Variants in PCDHAC1 observed in about 807,000 individuals in gnomAD.
PCDHAC1 encodes protocadherin alpha-C1.
PCDHAC1 carries 42 observed loss-of-function variants against 60.0 expected under a neutral mutation model. The observed-to-expected ratio is 0.70, with a 90% CI of 0.55 to 0.90. PCDHAC1 has a LOEUF of 0.90. Among genes scored for constraint, PCDHAC1 ranks in the 40% least tolerant of loss-of-function variants. The pLI, the probability that PCDHAC1 is intolerant of heterozygous loss-of-function variation, is 0.00. For synonymous variants in PCDHAC1, 468 were observed against 499.3 expected (o/e 0.94, Z 0.84); for missense variants, 1,160 against 1,222.3 (o/e 0.95, Z 0.76).
intron 1 of PCDHAC1, among the ~76,000 whole-genome samples, chr5:140,952,174 A>T (rs1376987356): frequency 6.6e-6 from 1 of 152,096 alleles, no homozygotes; most frequent in Non-Finnish European, 1.5e-5. Flanking sequence ...CAGTTCCTGC[A>T]GCTGCTCTCA....
chr5:140,936,714 C>G (rs2091106727), intron 1 of PCDHAC1, among the ~76,000 whole-genome samples: 1 of 152,198 alleles, frequency 6.6e-6, no homozygotes, highest in African/African-American at 2.4e-5. Context: ...TGTGCCAATA[C>G]ATTCTGTGTT....
At chr5:140,998,099 CAGA>C (rs2097796305) in intron 3 of PCDHAC1, among the ~76,000 whole-genome samples, 1 of 152,130 alleles carries the variant, frequency 6.6e-6, no homozygotes, top group African/African-American at 2.4e-5. Context: ...CTAGAGCAAA[CAGA>C]GGAGAAAATT....
intron 1 of PCDHAC1, chr5:140,967,309 A>G (rs782218334): frequency 6.2e-7 from 1 of 1,611,224 alleles, no homozygotes; most frequent in East Asian, 2.2e-5. Context: ...GCGCCAACTC[A>G]GTACAGACCT....
intron 3 of PCDHAC1, among the ~76,000 whole-genome samples, chr5:140,994,538 A>G (rs1554254218): frequency 1.8e-5 from 2 of 111,930 alleles, no homozygotes; most frequent in African/African-American, 9.1e-5. Context: ...CCCCATCTCT[A>G]CAAAAAAAAT....
intron 1 of PCDHAC1, chr5:140,966,920 C>A: frequency 6.2e-7 from 1 of 1,602,672 alleles, no homozygotes; most frequent in South Asian, 1.1e-5. Flanking sequence ...GCCAGAGGAG[C>A]AGGCACCCGG....
At chr5:140,931,460 G>GA (rs3836748) in intron 1 of PCDHAC1, among the ~76,000 whole-genome samples, 48,962 of 151,596 alleles carry the variant, frequency 0.32, 8,170 homozygotes, top group East Asian at 0.53. Flanking sequence ...AAAAATATAG[G>GA]AATGACAGAG....
chr5:141,007,935 C>G (rs2098352677), intron 3 of PCDHAC1, among the ~76,000 whole-genome samples: 1 of 152,176 alleles, frequency 6.6e-6, no homozygotes, highest in African/African-American at 2.4e-5. Flanking sequence ...GAATTCTAAG[C>G]CACCTTTTTG....
At chr5:140,993,777 G>A (rs1397168086) in intron 3 of PCDHAC1, among the ~76,000 whole-genome samples, 1 of 152,042 alleles carries the variant, frequency 6.6e-6, no homozygotes, top group Non-Finnish European at 1.5e-5. Flanking sequence ...GCAGTATTTT[G>A]TACAGTAACA....
At chr5:140,984,826 T>C (rs1554246543) in intron 3 of PCDHAC1, among the ~76,000 whole-genome samples, 4 of 152,188 alleles carry the variant, frequency 2.6e-5, no homozygotes, top group African/African-American at 9.6e-5. Context: ...TTAATTACCC[T>C]TTCTGTAAAT....
intron 1 of PCDHAC1, among the ~76,000 whole-genome samples, chr5:140,973,299 T>C (rs1191449890): frequency 1.3e-5 from 2 of 152,198 alleles, no homozygotes; most frequent in African/African-American, 4.8e-5. Flanking sequence ...TTCTATCTGA[T>C]GACTCTATCC....
intron 1 of PCDHAC1, among the ~76,000 whole-genome samples, chr5:140,955,987 A>T (rs1185683030): frequency 6.6e-6 from 1 of 152,198 alleles, no homozygotes; most frequent in Non-Finnish European, 1.5e-5. Context: ...CAATTTTTGC[A>T]CATTGATTTT....
At chr5:140,976,330 T>C (rs139191853) in intron 1 of PCDHAC1, among the ~76,000 whole-genome samples, 1 of 152,088 alleles carries the variant, frequency 6.6e-6, no homozygotes, top group Non-Finnish European at 1.5e-5. Flanking sequence ...GAGGGTGGAT[T>C]GCCTGAGGTC....
At chr5:140,954,135 T>C (rs1281133424) in intron 1 of PCDHAC1, among the ~76,000 whole-genome samples, 1 of 152,220 alleles carries the variant, frequency 6.6e-6, no homozygotes, top group Non-Finnish European at 1.5e-5. Context: ...TATGGATGCA[T>C]AGTATTCCAT....
intron 1 of PCDHAC1, among the ~76,000 whole-genome samples, chr5:140,935,092 C>T (rs1015892831): frequency 2.6e-5 from 4 of 152,100 alleles, no homozygotes; most frequent in Non-Finnish European, 5.9e-5. Context: ...TTCCCAGAAT[C>T]AGCCATTTTT....
intron 1 of PCDHAC1, among the ~76,000 whole-genome samples, chr5:140,935,149 T>C (rs1241997966): frequency 6.6e-6 from 1 of 152,192 alleles, no homozygotes; most frequent in Admixed American, 6.5e-5. Context: ...CTTAGAGATA[T>C]AATCTCAACA....
chr5:140,931,161 C>G (rs1214685588), intron 1 of PCDHAC1, among the ~76,000 whole-genome samples: 5 of 152,132 alleles, frequency 3.3e-5, no homozygotes, highest in African/African-American at 1.2e-4. Flanking sequence ...AATAGAATCT[C>G]AGTTAATTTT....
chr5:140,994,558 A>G (rs1414971844), intron 3 of PCDHAC1, among the ~76,000 whole-genome samples: 4 of 151,948 alleles, frequency 2.6e-5, no homozygotes, highest in Non-Finnish European at 5.9e-5. Context: ...TATAAAAATT[A>G]GCCGGGTGTG....
intron 1 of PCDHAC1, among the ~76,000 whole-genome samples, chr5:140,961,280 CT>C (rs2153727915): frequency 6.6e-6 from 1 of 152,104 alleles, no homozygotes; most frequent in Admixed American, 6.5e-5. Flanking sequence ...TACCATGGCT[CT>C]GTTTCTTGAG....
chr5:140,981,024 A>G (rs2096915063), intron 2 of PCDHAC1, among the ~76,000 whole-genome samples: 2 of 152,112 alleles, frequency 1.3e-5, no homozygotes, highest in Admixed American at 6.5e-5. Flanking sequence ...AAGGCTGTTA[A>G]TATTTGGGGA....
Sources: gnomAD v4.1 joint callset for allele counts (sites outside exome capture counted in the v4.1 genomes callset) on GRCh38, gnomAD v4.1.1 for gene constraint, MANE v1.5 for transcripts, NCBI Gene and HGNC (gene_info 2026-07-23, HGNC 2026-07-21) for gene names.